The following PPP1R9A variants were observed in gnomAD, a reference collection of about 807,000 sequenced individuals.
The protein encoded by PPP1R9A is protein phosphatase 1 regulatory subunit 9A.
In PPP1R9A, 59 loss-of-function variants were observed where a neutral mutation model predicts 141.9. The observed-to-expected ratio is 0.42, with a 90% CI of 0.34 to 0.52. The LOEUF is 0.52. Among genes scored for constraint, PPP1R9A ranks in the 20% least tolerant of loss-of-function variants. PPP1R9A has a pLI of 0.10. For synonymous variants in PPP1R9A, 500 were observed against 569.7 expected, an observed-to-expected ratio of 0.88 and a Z score of 1.74; for missense variants, 1,444 against 1,611.9, an observed-to-expected ratio of 0.90 and a Z score of 1.78.
intron 2 of PPP1R9A, among the ~76,000 whole-genome samples, chr7:95,096,996 C>T (rs1017052161): frequency 1.3e-5 from 2 of 152,078 alleles, no homozygotes; most frequent in African/African-American, 2.4e-5. Flanking sequence ...TTTATTACGG[C>T]CCTTATGTTG....
intron 5 of PPP1R9A, among the ~76,000 whole-genome samples, chr7:95,185,153 C>T (rs566988571): frequency 7.3e-5 from 11 of 151,532 alleles, no homozygotes; most frequent in African/African-American, 2.2e-4. Flanking sequence ...TCCCACCAGC[C>T]GTGTAAAAGT....
chr7:95,100,096 T>C (rs1177233588), intron 2 of PPP1R9A, among the ~76,000 whole-genome samples: 3 of 152,108 alleles, frequency 2.0e-5, no homozygotes, highest in Non-Finnish European at 4.4e-5. Context: ...TGTATGTATA[T>C]GTAAAACTTT....
At chr7:95,090,458 T>C (rs1370316964) in intron 2 of PPP1R9A, among the ~76,000 whole-genome samples, 2 of 151,912 alleles carry the variant, frequency 1.3e-5, no homozygotes, top group East Asian at 3.9e-4. Context: ...TAATGAGCGT[T>C]TTTAAGATAA....
Position 95,224,004 on chromosome 7 carries a change from GA to G in PPP1R9A, c.1957-1947del, listed in dbSNP as rs369634875. Among the ~76,000 whole-genome samples, 719 of 145,136 alleles carry G rather than the reference GA, an allele frequency of 5.0e-3. 5 individuals are homozygous for G. Among genetic ancestry groups the G allele is most frequent in the African/African-American group, 0.017 (665 of 39,772 alleles). On this transcript the variant is annotated intron_variant, in intron 7 of 19. Transcript: ENST00000433360. ...GATGAATTGATTCAAGAATACAAAA[GA>G]AAAAAAAAAGCCAAATCTGGAATTA...
intron 6 of PPP1R9A, among the ~76,000 whole-genome samples, chr7:95,201,083 T>C (rs1468140897): frequency 6.6e-6 from 1 of 152,222 alleles, no homozygotes; most frequent in Non-Finnish European, 1.5e-5. Flanking sequence ...TCTATGATTC[T>C]TTGTTCTGTA....
chr7:95,178,529 A>C lies in PPP1R9A; in HGVS notation c.1754+16558A>C, dbSNP rs538464063. ...ACCCAGAAAAAGAAGGGAAATAACCAAGATCAGAGCAGAACTAAATGAAAT... is the reference window on the plus strand; with the variant it reads ...ACCCAGAAAAAGAAGGGAAATAACCCAGATCAGAGCAGAACTAAATGAAAT... On this transcript the variant is annotated intron_variant, in intron 5 of 19. Coordinates refer to ENST00000433360, the MANE Select transcript of PPP1R9A (RefSeq NM_001166160.2). 5.3e-5 allele frequency among the ~76,000 whole-genome samples: 8 copies of C among 152,306 alleles called. No individual in the cohort carries two copies. In the South Asian group the frequency reaches 1.7e-3, roughly 32 times the overall value.
chr7:95,097,716 T>C (rs144327637), intron 2 of PPP1R9A, among the ~76,000 whole-genome samples: 285 of 152,344 alleles, frequency 1.9e-3, no homozygotes, highest in African/African-American at 6.3e-3. Context: ...CTTCATGACC[T>C]ATTAGATTGA....
chr7:95,069,481 A>G (rs574684384), intron 2 of PPP1R9A, among the ~76,000 whole-genome samples: 1 of 152,174 alleles, frequency 6.6e-6, no homozygotes, highest in East Asian at 1.9e-4. Flanking sequence ...TACTTTAGGG[A>G]GAGAGAGAAG....
At chr7:95,147,806 T>A (rs1052043417) in intron 4 of PPP1R9A, among the ~76,000 whole-genome samples, 1 of 152,200 alleles carries the variant, frequency 6.6e-6, no homozygotes, top group African/African-American at 2.4e-5. Context: ...GTTTATTGAT[T>A]TGCATATGTT....
chr7:95,040,428 G>A (rs1307800207), intron 2 of PPP1R9A, among the ~76,000 whole-genome samples: 1 of 151,780 alleles, frequency 6.6e-6, no homozygotes, highest in Non-Finnish European at 1.5e-5. Flanking sequence ...TAAGCAGCCA[G>A]CATCCTTTGA....
chr7:94,946,570 TTTTA>T (rs1414340335), intron 2 of PPP1R9A, among the ~76,000 whole-genome samples: 1 of 152,160 alleles, frequency 6.6e-6, no homozygotes, highest in Non-Finnish European at 1.5e-5. Flanking sequence ...CATTTGCATA[TTTTA>T]TTTCTTTTTC....
In PPP1R9A at chr7:95,289,461, C is replaced by T. The variant is rs539560138; in HGVS notation, c.3913-630C>T. 3.5e-4 allele frequency among the ~76,000 whole-genome samples: 53 copies of T among 152,290 alleles called. 1 individual carries two copies. In the East Asian group the frequency reaches 5.8e-3, roughly 17 times the overall value. Reference sequence around the variant, plus strand: ...CTGTTGGGGAGATAGATAGATGCATCCTGCTGTTGATTCTGAAGGTCACGA... The same window carrying T: ...CTGTTGGGGAGATAGATAGATGCATTCTGCTGTTGATTCTGAAGGTCACGA... On this transcript the variant is annotated intron_variant, in intron 19 of 19. Transcript: ENST00000433360.
chr7:94,931,948 G>A (rs1314998200), intron 2 of PPP1R9A, among the ~76,000 whole-genome samples: 3 of 152,168 alleles, frequency 2.0e-5, no homozygotes, highest in Admixed American at 1.3e-4. Flanking sequence ...CAGGGGAGTG[G>A]CTGTTTCCAT....
intron 2 of PPP1R9A, among the ~76,000 whole-genome samples, chr7:95,030,367 C>T (rs73216302): frequency 0.019 from 2,960 of 152,292 alleles, 49 homozygotes; most frequent in Non-Finnish European, 0.032. Flanking sequence ...ATCAAACTGA[C>T]AGTCTCTTTG....
At chr7:95,022,930 C>T (rs1806207839) in intron 2 of PPP1R9A, among the ~76,000 whole-genome samples, 1 of 152,154 alleles carries the variant, frequency 6.6e-6, no homozygotes, top group Middle Eastern at 3.4e-3. Flanking sequence ...GAATATTGGC[C>T]TGAAATTTTC....
At chr7:95,044,992 T>A (rs963832281) in intron 2 of PPP1R9A, among the ~76,000 whole-genome samples, 3 of 151,960 alleles carry the variant, frequency 2.0e-5, no homozygotes, top group African/African-American at 7.3e-5. Flanking sequence ...AGAAAATGGG[T>A]TCTAGGACTA....
chr7:94,945,890 A>G (rs886639444), intron 2 of PPP1R9A, among the ~76,000 whole-genome samples: 5 of 152,064 alleles, frequency 3.3e-5, no homozygotes, highest in Non-Finnish European at 7.4e-5. Context: ...TTACTAGATC[A>G]GTAACTCACA....
At chr7:95,086,531 C>G (rs1486302223) in intron 2 of PPP1R9A, among the ~76,000 whole-genome samples, 1 of 151,962 alleles carries the variant, frequency 6.6e-6, no homozygotes, top group Non-Finnish European at 1.5e-5. Flanking sequence ...AATTTCCTTG[C>G]AACATTTACA....
intron 2 of PPP1R9A, among the ~76,000 whole-genome samples, chr7:95,071,768 G>A (rs943959511): frequency 2.0e-5 from 3 of 151,724 alleles, no homozygotes; most frequent in Non-Finnish European, 4.4e-5. Context: ...TAATATAAAA[G>A]CATGTTTGTT....
Sources: allele counts gnomAD v4.1 joint callset (sites outside exome capture counted in the v4.1 genomes callset), GRCh38; gene constraint gnomAD v4.1.1; transcripts MANE v1.5; gene names NCBI Gene and HGNC (gene_info 2026-07-23, HGNC 2026-07-21).